The following NRXN3 variants were observed in gnomAD, a reference collection of about 807,000 sequenced individuals.
The protein encoded by NRXN3 is neurexin III.
In NRXN3, 32 loss-of-function variants were observed where a neutral mutation model predicts 137.6. The observed-to-expected ratio is 0.23, with a 90% confidence interval of 0.18 to 0.31. The LOEUF is 0.31. Among genes scored for constraint, NRXN3 ranks in the 10% least tolerant of loss-of-function variants. The probability of loss-of-function intolerance (pLI) is 1.00; values close to 1 mark genes in which losing one functional copy is unlikely to be tolerated. For synonymous variants in NRXN3, 798 were observed against 784.5 expected (o/e 1.02, Z -0.29); for missense variants, 1,574 against 2,062.5 (o/e 0.76, Z 4.59).
chr14:78,848,573 A>G (rs955791947), intron 10 of NRXN3, among the ~76,000 whole-genome samples: 7 of 152,176 alleles, frequency 4.6e-5, no homozygotes, highest in African/African-American at 1.7e-4. Flanking sequence ...GAAGTTATCG[A>G]TGCATCTGCT....
At chr14:78,843,270 A>G (rs1232316424) in intron 10 of NRXN3, among the ~76,000 whole-genome samples, 1 of 152,142 alleles carries the variant, frequency 6.6e-6, no homozygotes, top group Non-Finnish European at 1.5e-5. Context: ...TGGTCCCTCC[A>G]TTCGGGGTCC....
At chr14:79,288,833 G>A (rs7492515) in intron 15 of NRXN3, among the ~76,000 whole-genome samples, 36,876 of 152,016 alleles carry the variant, frequency 0.24, 5,460 homozygotes, top group Admixed American at 0.41. Flanking sequence ...GCCTGAACCC[G>A]TTTCAACCCA....
At chr14:79,581,764 C>T (rs751350853) in intron 16 of NRXN3, among the ~76,000 whole-genome samples, 3 of 152,106 alleles carry the variant, frequency 2.0e-5, no homozygotes, top group East Asian at 1.9e-4. Flanking sequence ...TGATCGTTTA[C>T]GTGGTCGTTT....
chr14:79,133,801 C>T (rs1204684144), intron 15 of NRXN3, among the ~76,000 whole-genome samples: 9 of 151,422 alleles, frequency 5.9e-5, no homozygotes, highest in African/African-American at 1.5e-4. Flanking sequence ...TGGTGGTGGG[C>T]GCCTGTAGTC....
intron 16 of NRXN3, among the ~76,000 whole-genome samples, chr14:79,543,004 G>A (rs2097288062): frequency 6.6e-6 from 1 of 152,124 alleles, no homozygotes; most frequent in Non-Finnish European, 1.5e-5. Flanking sequence ...TAAAATTAAA[G>A]GCACAGGTAT....
chr14:78,220,582 A>G (rs1002095512), intron 1 of NRXN3, among the ~76,000 whole-genome samples: 1 of 152,132 alleles, frequency 6.6e-6, no homozygotes, highest in South Asian at 2.1e-4. Context: ...GGAGAAAAGG[A>G]TTACAGAGAA....
At chr14:79,270,458 A>G (rs986715675) in intron 15 of NRXN3, among the ~76,000 whole-genome samples, 1 of 152,202 alleles carries the variant, frequency 6.6e-6, no homozygotes, top group African/African-American at 2.4e-5. Flanking sequence ...CCTGTGAGAA[A>G]AAGAGTTTTC....
At chr14:78,881,144 T>TCCC (rs1161340425) in intron 10 of NRXN3, among the ~76,000 whole-genome samples, 2 of 151,640 alleles carry the variant, frequency 1.3e-5, no homozygotes, top group Non-Finnish European at 2.9e-5. Flanking sequence ...TCCTGAGGCC[T>TCCC]CCCCAGTCAT....
At chr14:78,664,733 G>T (rs1200369678) in intron 6 of NRXN3, among the ~76,000 whole-genome samples, 1 of 152,154 alleles carries the variant, frequency 6.6e-6, no homozygotes, top group African/African-American at 2.4e-5. Context: ...TCATCACATT[G>T]CACTTTAACA....
At chr14:79,140,601 G>GTGTGTA (rs1555788808) in intron 15 of NRXN3, among the ~76,000 whole-genome samples, 3 of 151,756 alleles carry the variant, frequency 2.0e-5, no homozygotes, top group African/African-American at 7.3e-5. Flanking sequence ...GTGTGTGTGT[G>GTGTGTA]TGTGTGTGTG....
At chr14:78,365,290 T>C (rs2085753853) in intron 4 of NRXN3, among the ~76,000 whole-genome samples, 1 of 152,140 alleles carries the variant, frequency 6.6e-6, no homozygotes, top group African/African-American at 2.4e-5. Context: ...CCAATTGCTT[T>C]AATAAATGAC....
At chr14:79,135,509 A>C (rs1596354119) in intron 15 of NRXN3, among the ~76,000 whole-genome samples, 1 of 152,300 alleles carries the variant, frequency 6.6e-6, no homozygotes, top group Non-Finnish European at 1.5e-5. Context: ...CCCCAAGGTA[A>C]CTTTCAAGCT....
At chr14:79,029,228 T>G (rs1478847219) in intron 15 of NRXN3, among the ~76,000 whole-genome samples, 1 of 152,152 alleles carries the variant, frequency 6.6e-6, no homozygotes, top group Non-Finnish European at 1.5e-5. Context: ...TGGTGGTTAC[T>G]TGCCCCAGGG....
chr14:79,002,335 C>A (rs2099543164), intron 15 of NRXN3, among the ~76,000 whole-genome samples: 1 of 152,058 alleles, frequency 6.6e-6, no homozygotes, highest in African/African-American at 2.4e-5. Context: ...AGCCCAGCAT[C>A]CATTAGGTAT....
intron 15 of NRXN3, among the ~76,000 whole-genome samples, chr14:79,331,685 G>A (rs1457051883): frequency 6.6e-6 from 1 of 152,126 alleles, no homozygotes; most frequent in African/African-American, 2.4e-5. Flanking sequence ...AAATTCCCAT[G>A]TAAGTGTATT....
chr14:78,797,972 G>A (rs773548181), intron 8 of NRXN3, among the ~76,000 whole-genome samples: 7 of 152,106 alleles, frequency 4.6e-5, no homozygotes, highest in Non-Finnish European at 1.0e-4. Flanking sequence ...CCACAGATGC[G>A]GGAATTATGA....
chr14:79,527,750 A>G (rs892859237), intron 16 of NRXN3, among the ~76,000 whole-genome samples: 2 of 151,678 alleles, frequency 1.3e-5, no homozygotes, highest in African/African-American at 4.8e-5. Context: ...GTGCACCTGT[A>G]GTCCCAGCTA....
intron 1 of NRXN3, among the ~76,000 whole-genome samples, chr14:78,231,023 G>A (rs2065322234): frequency 6.6e-6 from 1 of 152,158 alleles, no homozygotes; most frequent in Admixed American, 6.5e-5. Flanking sequence ...ATTGATAGGA[G>A]TGCAGCTTAC....
At chr14:79,006,328 A>G (rs1036398682) in intron 15 of NRXN3, among the ~76,000 whole-genome samples, 1 of 150,080 alleles carries the variant, frequency 6.7e-6, no homozygotes, top group African/African-American at 2.5e-5. Context: ...GTAAATGGCA[A>G]AAAACAAACA....
Sources: gnomAD v4.1 joint callset for allele counts (sites outside exome capture counted in the v4.1 genomes callset) on GRCh38, gnomAD v4.1.1 for gene constraint, MANE v1.5 for transcripts, NCBI Gene and HGNC (gene_info 2026-07-23, HGNC 2026-07-21) for gene names.